ACSM3: variants seen among roughly 807,000 people sequenced by gnomAD.
ACSM3 encodes the protein acyl-CoA synthetase medium chain family member 3, also known as acyl-coenzyme A synthetase ACSM3, mitochondrial.
A neutral mutation model predicts 74.1 loss-of-function variants in ACSM3; 61 were observed. That is an observed-to-expected ratio of 0.82 (90% CI 0.67 to 1.02). ACSM3 has a LOEUF of 1.02. Among genes scored for constraint, ACSM3 ranks in the 50% least tolerant of loss-of-function variants. The pLI is 0.00. For synonymous variants in ACSM3, 213 were observed against 241.5 expected, an observed-to-expected ratio of 0.88 and a Z score of 1.09; for missense variants, 660 against 697.0, an observed-to-expected ratio of 0.95 and a Z score of 0.60.
At chr16:20,696,257 A>G (rs2079689194) in intron 1 of ACSM3, among the ~76,000 whole-genome samples, 1 of 152,184 alleles carries the variant, frequency 6.6e-6, no homozygotes, top group Non-Finnish European at 1.5e-5. Context: ...GCATGTCTCT[A>G]TCTCTATCAC....
chr16:20,676,234 G>C (rs976591722), intron 1 of ACSM3: 15 of 152,194 alleles, frequency 9.9e-5, no homozygotes, highest in Admixed American at 7.9e-4. Flanking sequence ...CTCTTAAGAG[G>C]ACAAGAGGAC....
At chr16:20,723,539 G>A (rs1164945191) in intron 1 of ACSM3, among the ~76,000 whole-genome samples, 2 of 151,704 alleles carry the variant, frequency 1.3e-5, no homozygotes, top group East Asian at 3.9e-4. Context: ...ATCCTCTCCA[G>A]CACCTGTTGT....
chr16:20,693,367 A>C (rs528647190), intron 1 of ACSM3, among the ~76,000 whole-genome samples: 3 of 152,294 alleles, frequency 2.0e-5, no homozygotes, highest in Admixed American at 6.5e-5. Context: ...TGACAGCAGG[A>C]ACCTCCTTTA....
chr16:20,785,205 G>C lies in ACSM3; in HGVS notation c.1143+98G>C, dbSNP rs2080446273. ...TCTCCTTATGATTATTTGAGGGATA[G>C]GAGTTGAGTGGTTAGAAAATGTTTA... On this transcript the variant is annotated intron_variant, in intron 8 of 13. Coordinates refer to ENST00000289416, the MANE Select transcript of ACSM3 (RefSeq NM_005622.4). 4.1e-6 allele frequency: 6 copies of C among 1,476,368 alleles called. No individual in the cohort carries two copies. The East Asian group carries it at 1.4e-4, about 34-fold the overall frequency. The allele number at this position is 1,476,368 out of a possible 1,614,324, so 91.5% of individuals were successfully genotyped here. A position where few individuals can be genotyped will look rare whatever the true frequency, so the allele number is the denominator to read the frequency against.
chr16:20,776,822 C>A (rs2080261627), intron 3 of ACSM3, among the ~76,000 whole-genome samples: 1 of 152,072 alleles, frequency 6.6e-6, no homozygotes, highest in Admixed American at 6.5e-5. Context: ...AGGAATAGAA[C>A]CACAGAAAAG....
upstream of ACSM3, among the ~76,000 whole-genome samples, chr16:20,759,255 G>A (rs1377928112): frequency 6.6e-6 from 1 of 152,158 alleles, no homozygotes; most frequent in Non-Finnish European, 1.5e-5. Context: ...GTGTAATGAA[G>A]CCTCTAAGAA....
chr16:20,683,577 G>A (rs2079488772), intron 1 of ACSM3, among the ~76,000 whole-genome samples: 1 of 150,212 alleles, frequency 6.7e-6, no homozygotes, highest in Non-Finnish European at 1.5e-5. Flanking sequence ...CTCACCCCAT[G>A]CTTGGAATGT....
chr16:20,796,336 C>G, intron 12 of ACSM3, 34 bp from the exon 13 acceptor site: 1 of 1,601,192 alleles, frequency 6.2e-7, no homozygotes, highest in Non-Finnish European at 8.5e-7. Context: ...AAATGCATAA[C>G]TCATTTTCCT....
At position 20,796,993 on chromosome 16, in the gene ACSM3, T is replaced by C. The variant is rs1278032545; in HGVS notation, c.*21T>C. 1 of 1,608,954 alleles carries C rather than the reference T, an allele frequency of 6.2e-7. No individual in the cohort carries two copies. Among genetic ancestry groups the C allele is most frequent in the Admixed American group, 1.7e-5 (1 of 59,024 alleles). On this transcript the variant is annotated 3_prime_UTR_variant, in exon 14 of 14. Coordinates refer to ENST00000289416, the MANE Select transcript of ACSM3 (RefSeq NM_005622.4). ...TTTAAAGTTGTTTCATTAATTACCA[T>C]ATCTATAAAACAAACATAGTATCTG...
intron 1 of ACSM3, among the ~76,000 whole-genome samples, chr16:20,683,703 C>CTTTCTT (rs2079493572): frequency 2.3e-5 from 2 of 85,152 alleles, no homozygotes; most frequent in Non-Finnish European, 4.8e-5. Flanking sequence ...TTCTTTCTTT[C>CTTTCTT]TCTCTCTCTC....
intron 1 of ACSM3, among the ~76,000 whole-genome samples, chr16:20,724,860 C>T (rs2079799089): frequency 6.6e-6 from 1 of 152,110 alleles, no homozygotes; most frequent in Admixed American, 6.6e-5. Context: ...AACTACAAAC[C>T]ACTGCTCAAG....
chr16:20,682,950 T>C (rs2079476895), intron 1 of ACSM3, among the ~76,000 whole-genome samples: 1 of 152,090 alleles, frequency 6.6e-6, no homozygotes, highest in Non-Finnish European at 1.5e-5. Context: ...GTTTTTTGCA[T>C]TCCCTTCTAT....
Position 20,790,595 on chromosome 16 carries a change from T to A in ACSM3, c.1233T>A (p.Asp411Glu). 1 of 1,613,808 alleles carries A rather than the reference T, an allele frequency of 6.2e-7. No individual in the cohort carries two copies. Among genetic ancestry groups the A allele is most frequent in the Non-Finnish European group, 8.5e-7 (1 of 1,179,670 alleles). ...GTTCTATTTTATCCTAGATTGTAGA[T>A]GTAAATGGCAATGTTCTACCTCCTG... ...PSPAFDVKIV[D>E]VNGNVLPPGQ... The change falls in exon 10 of 14, where the codon GAT (aspartate) becomes GAA (glutamate). Residue 411 changes from aspartate (D) to glutamate (E), a missense_variant. Asp to Glu is a conservative substitution (Grantham distance 45). Transcript: ENST00000289416. The surrounding 1 kb of genome is among the most constrained non-coding windows in gnomAD (Gnocchi z 4.0).
chr16:20,707,613 C>G (rs1450302561), intron 1 of ACSM3, among the ~76,000 whole-genome samples: 1 of 152,210 alleles, frequency 6.6e-6, no homozygotes, highest in Non-Finnish European at 1.5e-5. Flanking sequence ...GGCTCACCAA[C>G]TGTGGACTCC....
intron 1 of ACSM3, among the ~76,000 whole-genome samples, chr16:20,722,768 G>C (rs940625465): frequency 1.3e-5 from 2 of 152,166 alleles, no homozygotes; most frequent in African/African-American, 4.8e-5. Context: ...AAATTCACTT[G>C]CTGAATTCAA....
At chr16:20,729,387 AGG>A in intron 1 of ACSM3, 2 of 1,206,836 alleles carry the variant, frequency 1.7e-6, no homozygotes, top group Non-Finnish European at 2.5e-6. Context: ...TTAAGAGGCA[AGG>A]ATTGACAGGG....
At chr16:20,761,492 A>G (rs2080076420), upstream of ACSM3, among the ~76,000 whole-genome samples, 1 of 152,202 alleles carries the variant, frequency 6.6e-6, no homozygotes. Context: ...ACTAAGTAGG[A>G]CATGACACCC....
At chr16:20,792,508 T>C in intron 12 of ACSM3, 173 bp downstream of exon 12, 2 of 984,232 alleles carry the variant, frequency 2.0e-6, no homozygotes, top group Non-Finnish European at 2.4e-6. Context: ...GAATTATGAG[T>C]TGCAGCTCTG....
chr16:20,721,260 C>T (rs1567324010), intron 1 of ACSM3: 1 of 152,160 alleles, frequency 6.6e-6, no homozygotes, highest in Non-Finnish European at 1.5e-5. Context: ...GGACCTAGAA[C>T]ATATGAATAG....
Sources: gnomAD v4.1 joint callset for allele counts (sites outside exome capture counted in the v4.1 genomes callset) on GRCh38, gnomAD v4.1.1 for gene constraint, Gnocchi (gnomAD v3.1) non-coding constraint, MANE v1.5 for transcripts, NCBI Gene and HGNC (gene_info 2026-07-23, HGNC 2026-07-21) for gene names.